ARID1B: variants seen among roughly 807,000 people sequenced by gnomAD.
The protein encoded by ARID1B is AT-rich interaction domain 1B, also known as AT-rich interactive domain-containing protein 1B.
ARID1B carries 30 observed loss-of-function variants against 212.3 expected under a neutral mutation model. The observed-to-expected ratio is 0.14, with a 90% CI of 0.11 to 0.19. The LOEUF is 0.19. ARID1B is among the 10% of genes least tolerant of loss of function. The pLI, the probability that ARID1B is intolerant of heterozygous loss-of-function variation, is 1.00. For synonymous variants in ARID1B, 1,402 were observed against 1,301.7 expected (o/e 1.08, Z -1.66); for missense variants, 2,891 against 3,204.0 (o/e 0.90, Z 2.36).
At chr6:156,984,310 C>A (rs1777793245) in intron 4 of ARID1B, among the ~76,000 whole-genome samples, 1 of 152,172 alleles carries the variant, frequency 6.6e-6, no homozygotes, top group Non-Finnish European at 1.5e-5. Flanking sequence ...TCTCCTTGGA[C>A]CTCTTCACAT....
chr6:157,068,801 A>G (rs1462130228), intron 4 of ARID1B, among the ~76,000 whole-genome samples: 1 of 152,250 alleles, frequency 6.6e-6, no homozygotes, highest in Admixed American at 6.5e-5. Context: ...GCTCTCTTGG[A>G]TGCAGCTATC....
intron 1 of ARID1B, among the ~76,000 whole-genome samples, chr6:156,787,169 T>C (rs1039545560): frequency 3.3e-5 from 5 of 152,180 alleles, no homozygotes; most frequent in Non-Finnish European, 5.9e-5. Flanking sequence ...TATAGAATGG[T>C]CCTTTTTCTT....
At chr6:157,105,791 G>A (rs895281523) in intron 5 of ARID1B, among the ~76,000 whole-genome samples, 2 of 151,928 alleles carry the variant, frequency 1.3e-5, no homozygotes, top group Non-Finnish European at 2.9e-5. Context: ...TAATAGAGAC[G>A]GGGTTTCACC....
chr6:156,920,080 C>T (rs1393953213), intron 3 of ARID1B, among the ~76,000 whole-genome samples: 1 of 152,230 alleles, frequency 6.6e-6, no homozygotes, highest in Non-Finnish European at 1.5e-5. Flanking sequence ...GTTCCCCAGA[C>T]TCAGCAGCCA....
chr6:156,792,102 T>C (rs538194515), intron 1 of ARID1B, among the ~76,000 whole-genome samples: 57 of 152,358 alleles, frequency 3.7e-4, no homozygotes, highest in African/African-American at 1.2e-3. Context: ...ATGAGAGTTA[T>C]TAGCTTTGTA....
rs1437881955 is a variant in ARID1B at position 157,208,506 on chromosome 6, CA to C, written c.*617del. 1 of 233,152 alleles carries C rather than the reference CA, an allele frequency of 4.3e-6. No homozygotes were observed. The highest frequency in any genetic ancestry group is 8.5e-6 in the Non-Finnish European group (1 of 117,822). 14.4% of individuals were successfully genotyped at this position (233,152 alleles called of 1,614,324 possible). On this transcript the variant is annotated 3_prime_UTR_variant, in exon 20 of 20. Transcript: ENST00000636930. ...GGTTCCATTAGGCTGGGAGCAAAAA[CA>C]ATGTTTTTTAAGATTGAGAATACAT...
At chr6:157,101,694 G>A (rs140407409) in intron 5 of ARID1B, among the ~76,000 whole-genome samples, 14 of 150,712 alleles carry the variant, frequency 9.3e-5, no homozygotes, top group East Asian at 7.8e-4. Flanking sequence ...ATTTACCTGC[G>A]AACTTGTAAG....
chr6:157,155,509 T>C (rs2128656233), intron 8 of ARID1B, among the ~76,000 whole-genome samples: 1 of 152,086 alleles, frequency 6.6e-6, no homozygotes, highest in South Asian at 2.1e-4. Flanking sequence ...AATGAATTAA[T>C]TTGAAAAGTC....
intron 6 of ARID1B, among the ~76,000 whole-genome samples, chr6:157,132,294 A>G (rs1210395225): frequency 6.6e-6 from 1 of 152,216 alleles, no homozygotes; most frequent in Non-Finnish European, 1.5e-5. Flanking sequence ...TGGGCGTCCC[A>G]TGTGTCTGAG....
At chr6:157,079,659 G>A (rs1443273019) in intron 4 of ARID1B, among the ~76,000 whole-genome samples, 1 of 152,138 alleles carries the variant, frequency 6.6e-6, no homozygotes, top group Non-Finnish European at 1.5e-5. Flanking sequence ...TTTCAGTAGA[G>A]CATTTATGGT....
At chr6:157,044,763 T>C (rs1472087111) in intron 4 of ARID1B, among the ~76,000 whole-genome samples, 2 of 152,186 alleles carry the variant, frequency 1.3e-5, no homozygotes, top group African/African-American at 4.8e-5. Context: ...ATTTAAAGTA[T>C]TTAAAGCTAA....
chr6:157,180,368 TAA>T (rs1031751728), intron 11 of ARID1B, among the ~76,000 whole-genome samples: 1 of 131,500 alleles, frequency 7.6e-6, no homozygotes. Flanking sequence ...TTAGTTTATC[TAA>T]AAAAAAAAAA....
At chr6:157,130,794 G>A (rs540985888) in intron 6 of ARID1B, among the ~76,000 whole-genome samples, 1 of 152,234 alleles carries the variant, frequency 6.6e-6, no homozygotes, top group Admixed American at 6.5e-5. Flanking sequence ...TTCTTTCGAA[G>A]CTACTGCTTT....
chr6:156,827,027 A>G (rs1403589601), intron 1 of ARID1B, among the ~76,000 whole-genome samples: 10 of 152,134 alleles, frequency 6.6e-5, no homozygotes, highest in Non-Finnish European at 1.5e-5. Flanking sequence ...TGATTAATTC[A>G]TCAATTAATG....
At chr6:157,059,080 G>A (rs199584979) in intron 4 of ARID1B, among the ~76,000 whole-genome samples, 1 of 144,776 alleles carries the variant, frequency 6.9e-6, no homozygotes, top group Non-Finnish European at 1.5e-5. Context: ...TTTTTTTTTT[G>A]ATAAAAATAT....
In ARID1B at chr6:157,190,545, G is replaced by A. The variant is rs1280901437; in HGVS notation, c.4231+335G>A. On this transcript the variant is annotated intron_variant, in intron 15 of 19. Coordinates refer to ENST00000636930, the MANE Select transcript of ARID1B (RefSeq NM_001374828.1). This position sits in a 1 kb window ranked among gnomAD's most constrained non-coding sequence, Gnocchi z 4.6. Reference sequence around the variant, plus strand: ...GGACCCGCTTCCAAAGGCATGGCGAGGATTAAGTTCCTGCAACAGAGCTCA... The same window carrying A: ...GGACCCGCTTCCAAAGGCATGGCGAAGATTAAGTTCCTGCAACAGAGCTCA... Among the ~76,000 whole-genome samples, 2 of 152,236 alleles carry A rather than the reference G, an allele frequency of 1.3e-5. No individual in the cohort carries two copies. Among genetic ancestry groups the A allele is most frequent in the Non-Finnish European group, 2.9e-5 (2 of 68,040 alleles).
chr6:157,057,429 TA>T (rs1409728779), intron 4 of ARID1B, among the ~76,000 whole-genome samples: 1 of 78,792 alleles, frequency 1.3e-5, no homozygotes, highest in African/African-American at 3.9e-5. Flanking sequence ...TATATATGTA[TA>T]TACACACATC....
At chr6:156,946,874 T>C (rs1171079532) in intron 4 of ARID1B, among the ~76,000 whole-genome samples, 1 of 152,198 alleles carries the variant, frequency 6.6e-6, no homozygotes, top group African/African-American at 2.4e-5. Flanking sequence ...TCCTGTAACA[T>C]CTAAAAGGAA....
chr6:157,140,657 CACCT>C, intron 7 of ARID1B: 1 of 398,596 alleles, frequency 2.5e-6, no homozygotes, highest in Non-Finnish European at 4.4e-6. Context: ...TTCCAGAGGT[CACCT>C]GCCCAGAACC....
Sources: gnomAD v4.1 joint callset for allele counts (sites outside exome capture counted in the v4.1 genomes callset) on GRCh38, gnomAD v4.1.1 for gene constraint, Gnocchi (gnomAD v3.1) non-coding constraint, MANE v1.5 for transcripts, NCBI Gene and HGNC (gene_info 2026-07-23, HGNC 2026-07-21) for gene names.